FOXP1: variants seen among roughly 807,000 people sequenced by gnomAD.
The protein encoded by FOXP1 is forkhead box P1.
A neutral mutation model predicts 98.2 loss-of-function variants in FOXP1; 15 were observed. The ratio of observed to expected loss-of-function variants is 0.15; its 90% CI spans 0.10 to 0.24. The LOEUF (loss-of-function observed/expected upper bound fraction) is 0.24. FOXP1 is among the 10% of genes least tolerant of loss of function. The pLI, the probability that FOXP1 is intolerant of heterozygous loss-of-function variation, is 1.00. For missense variants in FOXP1, 633 were observed against 848.5 expected (o/e 0.75, Z 3.15); for synonymous variants, 371 against 314.5 (o/e 1.18, Z -1.90).
rs547609419 is a variant in FOXP1, at chr3:71,012,889, G to A, written c.974+2660C>T. Among the ~76,000 whole-genome samples the A allele has an allele frequency of 5.3e-4, 81 of 152,226 alleles. 2 individuals are homozygous for A. The South Asian group carries it at 0.017, about 31-fold the overall frequency. ...ATGGGCATATGTTATAGTTATACAT[G>A]TGCCTATGTTATAGGTATACATGTG... On this transcript the variant is annotated intron_variant, in intron 12 of 20. Coordinates refer to ENST00000649528, the MANE Select transcript of FOXP1 (RefSeq NM_001349338.3).
intron 3 of FOXP1, among the ~76,000 whole-genome samples, chr3:71,471,913 CAGGT>C (rs1440792074): frequency 6.6e-6 from 1 of 152,168 alleles, no homozygotes; most frequent in Non-Finnish European, 1.5e-5. Flanking sequence ...AGGTGACTCC[CAGGT>C]TTAAAGATTT....
At chr3:71,358,297 AG>A (rs1424310169) in intron 4 of FOXP1, among the ~76,000 whole-genome samples, 1 of 150,174 alleles carries the variant, frequency 6.7e-6, no homozygotes, top group Non-Finnish European at 1.5e-5. Flanking sequence ...GATACTAAAA[AG>A]AAAGACATTT....
intron 6 of FOXP1, among the ~76,000 whole-genome samples, chr3:71,145,307 C>A (rs1052243217): frequency 2.6e-5 from 4 of 152,044 alleles, no homozygotes; most frequent in Non-Finnish European, 5.9e-5. Flanking sequence ...GAGGTCAAGG[C>A]AGGTGGATCA....
chr3:71,578,246 G>C (rs1478842280), intron 2 of FOXP1, among the ~76,000 whole-genome samples: 1 of 152,158 alleles, frequency 6.6e-6, no homozygotes, highest in African/African-American at 2.4e-5. Context: ...GCTCTTCAGA[G>C]GGTTTCCCTC....
intron 7 of FOXP1, among the ~76,000 whole-genome samples, chr3:71,101,990 G>T (rs2057005872): frequency 6.6e-6 from 1 of 152,098 alleles, no homozygotes; most frequent in African/African-American, 2.4e-5. Flanking sequence ...TTCTTTTGTT[G>T]AAGGAGAGAA....
At chr3:70,970,357 C>G (rs2035942088) in intron 19 of FOXP1, 1 of 261,632 alleles carries the variant, frequency 3.8e-6, no homozygotes, top group African/African-American at 2.3e-5. Context: ...CTCTTTAAAC[C>G]CATGAACAAT....
intron 5 of FOXP1, among the ~76,000 whole-genome samples, chr3:71,234,810 G>C (rs1372619012): frequency 6.6e-6 from 1 of 152,222 alleles, no homozygotes; most frequent in African/African-American, 2.4e-5. Context: ...CCAGGAGCCA[G>C]TGGCCCAGAG....
Position 70,960,387 on chromosome 3 carries a change from A to C in FOXP1, c.1890-996T>G, listed in dbSNP as rs546820998. Among the ~76,000 whole-genome samples, 4 of 152,296 alleles carry C rather than the reference A, an allele frequency of 2.6e-5. No individual in the cohort carries two copies. The South Asian group carries it at 8.3e-4, about 32-fold the overall frequency. ...GAGCGTGGTTGCGATGAGGTCTGCC[A>C]ACTTTCTCATTATGGACCAGCGCAT... On this transcript the variant is annotated intron_variant, in intron 20 of 20. Coordinates refer to ENST00000649528, the MANE Select transcript of FOXP1 (RefSeq NM_001349338.3).
At chr3:71,234,273 G>A (rs771188030) in intron 5 of FOXP1, among the ~76,000 whole-genome samples, 12 of 152,216 alleles carry the variant, frequency 7.9e-5, no homozygotes, top group Non-Finnish European at 1.2e-4. Context: ...AAAACACAAC[G>A]GAGTAAAAGG....
chr3:71,047,204 G>A (rs1167946332), intron 9 of FOXP1, 109 bp from the exon 10 acceptor site: 1 of 1,235,070 alleles, frequency 8.1e-7, no homozygotes, highest in East Asian at 2.3e-5. Context: ...ATGGTCACTG[G>A]AGCTCAGTGG....
chr3:71,122,156 C>G lies in FOXP1; in HGVS notation c.181-9519G>C, dbSNP rs575771362. Among the ~76,000 whole-genome samples the G allele has an allele frequency of 1.2e-4, 19 of 152,324 alleles. No individual in the cohort carries two copies. The South Asian group carries it at 3.7e-3, about 30-fold the overall frequency. ...AGTTCTTTCTCAAACAAATATGGTA[C>G]TGTATTCCTTTTTTTCTTATACTGT... On this transcript the variant is annotated intron_variant, in intron 6 of 20. Coordinates refer to ENST00000649528, the MANE Select transcript of FOXP1 (RefSeq NM_001349338.3).
chr3:71,223,879 A>G (rs2065618719), intron 5 of FOXP1, among the ~76,000 whole-genome samples: 3 of 152,140 alleles, frequency 2.0e-5, no homozygotes. Flanking sequence ...GGAGTCACTC[A>G]GCAGAAGTTT....
chr3:71,222,146 C>T (rs963651952), intron 5 of FOXP1, among the ~76,000 whole-genome samples: 4 of 151,908 alleles, frequency 2.6e-5, no homozygotes, highest in East Asian at 1.9e-4. Context: ...AGCGAGATTC[C>T]GTATCAAAAA....
At chr3:71,271,263 A>G (rs2070322689) in intron 5 of FOXP1, among the ~76,000 whole-genome samples, 1 of 152,228 alleles carries the variant, frequency 6.6e-6, no homozygotes, top group South Asian at 2.1e-4. Flanking sequence ...CAACAGAAAC[A>G]TATCTAAAGA....
chr3:71,540,605 G>C (rs981713623), intron 2 of FOXP1, among the ~76,000 whole-genome samples: 1 of 152,154 alleles, frequency 6.6e-6, no homozygotes, highest in Non-Finnish European at 1.5e-5. Flanking sequence ...AACTTCTTGG[G>C]ACAACCTTAA....
intron 5 of FOXP1, among the ~76,000 whole-genome samples, chr3:71,251,327 C>T (rs976331476): frequency 6.6e-6 from 1 of 152,202 alleles, no homozygotes; most frequent in Non-Finnish European, 1.5e-5. Context: ...CAGTCACGTG[C>T]CTCCATCCTG....
chr3:71,466,902 C>A (rs965810630), intron 3 of FOXP1, among the ~76,000 whole-genome samples: 1 of 152,142 alleles, frequency 6.6e-6, no homozygotes, highest in Non-Finnish European at 1.5e-5. Context: ...TGATACTTAT[C>A]CTTGGATACG....
intron 6 of FOXP1, among the ~76,000 whole-genome samples, chr3:71,160,156 G>A (rs1382959614): frequency 6.6e-6 from 1 of 152,162 alleles, no homozygotes; most frequent in Non-Finnish European, 1.5e-5. Flanking sequence ...CACCCGGCTG[G>A]TTTTCAATTG....
At chr3:71,381,808 T>C (rs941674114) in intron 3 of FOXP1, among the ~76,000 whole-genome samples, 1 of 152,180 alleles carries the variant, frequency 6.6e-6, no homozygotes, top group Non-Finnish European at 1.5e-5. Context: ...CCAACATAGA[T>C]GCTAAGTTTC....
Sources: gnomAD v4.1 joint callset for allele counts (sites outside exome capture counted in the v4.1 genomes callset) on GRCh38, gnomAD v4.1.1 for gene constraint, MANE v1.5 for transcripts, NCBI Gene and HGNC (gene_info 2026-07-23, HGNC 2026-07-21) for gene names.